Variants in SLC17A1 observed in about 807,000 individuals in gnomAD.
SLC17A1 encodes the protein sodium-dependent phosphate transport protein 1.
SLC17A1 carries 51 observed loss-of-function variants against 53.5 expected under a neutral mutation model. The observed-to-expected ratio is 0.95, with a 90% CI of 0.76 to 1.20. The LOEUF is 1.20. SLC17A1 is among the 50% of genes most tolerant of loss of function. The pLI, the probability that SLC17A1 is intolerant of heterozygous loss-of-function variation, is 0.00. For missense variants in SLC17A1, 538 were observed against 568.2 expected (o/e 0.95, Z 0.54); for synonymous variants, 179 against 198.8 (o/e 0.90, Z 0.84).
chr6:25,776,560 G>A, the SLC17A1 span: 2 of 1,564,714 alleles, frequency 1.3e-6, no homozygotes, highest in African/African-American at 1.4e-5. Flanking sequence ...GGGGTGGTAA[G>A]GGCACATGCA....
At chr6:25,821,901 G>A (rs1764576104) in intron 3 of SLC17A1, among the ~76,000 whole-genome samples, 1 of 150,744 alleles carries the variant, frequency 6.6e-6, no homozygotes, top group African/African-American at 2.4e-5. Context: ...TAATACCTCA[G>A]TAAGGAAAAT....
chr6:25,776,640 A>G, the SLC17A1 span: 851 of 1,613,656 alleles, frequency 5.3e-4, 9 homozygotes, highest in South Asian at 8.6e-3. Context: ...ATGTATCTGC[A>G]TTATCCTTGG....
the SLC17A1 span, among the ~76,000 whole-genome samples, chr6:25,758,952 T>C: frequency 6.6e-6 from 1 of 152,212 alleles, no homozygotes; most frequent in Non-Finnish European, 1.5e-5. Flanking sequence ...AACTTTCCTC[T>C]TAGCACCGCT....
At chr6:25,726,554 G>C in the SLC17A1 span, 2 of 1,588,938 alleles carry the variant, frequency 1.3e-6, no homozygotes, top group Non-Finnish European at 1.7e-6. Flanking sequence ...GCAGCAACAC[G>C]AGAACCACAT....
At chr6:25,773,246 C>A in the SLC17A1 span, 1 of 1,541,312 alleles carries the variant, frequency 6.5e-7, no homozygotes, top group South Asian at 1.1e-5. Context: ...TTCAATCCAT[C>A]CAGTGCTAAC....
chr6:25,822,051 T>C (rs1764581691), intron 3 of SLC17A1, among the ~76,000 whole-genome samples: 1 of 152,200 alleles, frequency 6.6e-6, no homozygotes, highest in Non-Finnish European at 1.5e-5. Flanking sequence ...AATTTCTAAC[T>C]GTCAAGTTGG....
chr6:25,776,799 C>T, the SLC17A1 span: 1 of 1,613,930 alleles, frequency 6.2e-7, no homozygotes, highest in Non-Finnish European at 8.5e-7. Flanking sequence ...CTGTGTTTGT[C>T]CTCCTACCCC....
chr6:25,768,389 C>T, the SLC17A1 span: 1 of 987,400 alleles, frequency 1.0e-6, no homozygotes, highest in South Asian at 4.7e-5. Context: ...ATGGACTCAA[C>T]CACAGGGATA....
the SLC17A1 span, among the ~76,000 whole-genome samples, chr6:25,774,742 A>G: frequency 6.6e-6 from 1 of 152,200 alleles, no homozygotes; most frequent in South Asian, 2.1e-4. Context: ...AAATGGGAAA[A>G]TGAATGGAAA....
At chr6:25,758,613 A>G in the SLC17A1 span, among the ~76,000 whole-genome samples, 1 of 151,988 alleles carries the variant, frequency 6.6e-6, no homozygotes, top group African/African-American at 2.4e-5. Context: ...GATATTTTGT[A>G]TTTCTCTGGT....
At chr6:25,769,185 G>C in the SLC17A1 span, 1 of 1,613,600 alleles carries the variant, frequency 6.2e-7, no homozygotes, top group African/African-American at 1.3e-5. Context: ...AGAATTTAAA[G>C]CAATGGTAAG....
downstream of SLC17A1, among the ~76,000 whole-genome samples, chr6:25,782,329 C>T (rs552256846): frequency 2.0e-5 from 3 of 152,298 alleles, no homozygotes; most frequent in East Asian, 5.8e-4. Context: ...TCATTTATGA[C>T]AGTTTCCTCT....
the SLC17A1 span, among the ~76,000 whole-genome samples, chr6:25,775,033 T>C: frequency 3.0e-4 from 46 of 152,164 alleles, no homozygotes; most frequent in African/African-American, 1.1e-3. Context: ...AAAAACTATA[T>C]TGAAACATAG....
At position 25,800,986 on chromosome 6, in the gene SLC17A1, C is replaced by T; in HGVS notation, c.1179-6G>A. The T allele has an allele frequency of 6.9e-7, 1 of 1,447,866 alleles. No individual in the cohort carries two copies. Among genetic ancestry groups the T allele is most frequent in the Non-Finnish European group, 9.7e-7 (1 of 1,029,224 alleles). 89.7% of individuals were successfully genotyped at this position (1,447,866 alleles called of 1,614,324 possible). A position where few individuals can be genotyped will look rare whatever the true frequency, so the allele number is the denominator to read the frequency against. On this transcript the variant is annotated splice_polypyrimidine_tract_variant and splice_region_variant and intron_variant, in intron 10 of 12. Transcript: ENST00000244527. ...CTTTAATAAATCCAAAATATCTATGCATAAAAGAGTAATACACAAATGTAA... is the reference window on the plus strand; with the variant it reads ...CTTTAATAAATCCAAAATATCTATGTATAAAAGAGTAATACACAAATGTAA...
intron 10 of SLC17A1, among the ~76,000 whole-genome samples, chr6:25,810,820 T>C (rs1355891752): frequency 6.6e-6 from 1 of 152,162 alleles, no homozygotes; most frequent in Non-Finnish European, 1.5e-5. Context: ...CATTGCAGCA[T>C]TATTCACAAT....
At chr6:25,747,204 C>T in the SLC17A1 span, among the ~76,000 whole-genome samples, 2 of 152,160 alleles carry the variant, frequency 1.3e-5, no homozygotes, top group African/African-American at 2.4e-5. Flanking sequence ...GCCATTCTTC[C>T]GGGTTAGGGC....
Position 25,798,907 on chromosome 6 carries a change from C to G in SLC17A1, c.1282G>C (p.Ala428Pro). 1.3e-6 allele frequency: 2 copies of G among 1,578,388 alleles called. No homozygotes were observed. Among genetic ancestry groups the G allele is most frequent in the Non-Finnish European group, 8.7e-7 (1 of 1,155,098 alleles). Residue 428 changes from alanine to proline, a missense_variant, in exon 12 of 13, where the codon GCC (alanine) becomes CCC (proline). Coordinates refer to ENST00000244527, the MANE Select transcript of SLC17A1 (RefSeq NM_005074.5). ...GLILKQDPES[A>P]WFKTFILMAA... Reference sequence around the variant, plus strand: ...ATCAGGATGAAGGTTTTAAACCAGGCGGATTCCGGATCCTAAGGAATTAAA... The same window carrying G: ...ATCAGGATGAAGGTTTTAAACCAGGGGGATTCCGGATCCTAAGGAATTAAA...
chr6:25,747,917 AT>A, the SLC17A1 span, among the ~76,000 whole-genome samples: 4,937 of 152,288 alleles, frequency 0.032, 216 homozygotes, highest in African/African-American at 0.094. Flanking sequence ...CCTAGGATAT[AT>A]TGACATTTGG....
chr6:25,743,153 G>A, the SLC17A1 span, among the ~76,000 whole-genome samples: 1 of 152,110 alleles, frequency 6.6e-6, no homozygotes, highest in Admixed American at 6.6e-5. Context: ...TATAAAAAAG[G>A]TGAAAAAACT....
Sources: gnomAD v4.1 joint callset for allele counts (sites outside exome capture counted in the v4.1 genomes callset) on GRCh38, gnomAD v4.1.1 for gene constraint, MANE v1.5 for transcripts, NCBI Gene and HGNC (gene_info 2026-07-23, HGNC 2026-07-21) for gene names.